Variants in LRRC18 observed in about 807,000 individuals in gnomAD.
LRRC18 encodes leucine rich repeat containing 18.
A neutral mutation model predicts 11.2 loss-of-function variants in LRRC18; 12 were observed. The ratio of observed to expected loss-of-function variants is 1.07; its 90% CI spans 0.69 to 1.74. LRRC18 has a LOEUF of 1.74. Among genes scored for constraint, LRRC18 ranks in the 40% most tolerant of loss-of-function variants. The pLI, the probability that LRRC18 is intolerant of heterozygous loss-of-function variation, is 0.00. For synonymous variants in LRRC18, 155 were observed against 130.6 expected, an observed-to-expected ratio of 1.19 and a Z score of -1.27; for missense variants, 374 against 330.5, an observed-to-expected ratio of 1.13 and a Z score of -1.02.
chr10:48,916,339 A>G (rs887919846), upstream of LRRC18, among the ~76,000 whole-genome samples: 19 of 152,280 alleles, frequency 1.2e-4, 1 homozygote, highest in African/African-American at 4.6e-4. Context: ...AGGGTCAGAG[A>G]CAGTAAGGGA....
At chr10:48,920,463 A>T in the LRRC18 span, among the ~76,000 whole-genome samples, 48 of 152,296 alleles carry the variant, frequency 3.2e-4, no homozygotes, top group African/African-American at 1.1e-3. Flanking sequence ...ACATGTATAC[A>T]TATGTAACTA....
the LRRC18 span, among the ~76,000 whole-genome samples, chr10:48,920,944 C>T: frequency 2.6e-5 from 4 of 151,972 alleles, no homozygotes; most frequent in Non-Finnish European, 5.9e-5. Context: ...CATAAATAAC[C>T]AAAATATGCA....
chr10:48,938,711 C>T, the LRRC18 span, among the ~76,000 whole-genome samples: 1 of 152,248 alleles, frequency 6.6e-6, no homozygotes, highest in African/African-American at 2.4e-5. Flanking sequence ...TTCTGAAGCT[C>T]GTCTGGGGGG....
chr10:48,923,545 T>C, the LRRC18 span, among the ~76,000 whole-genome samples: 1 of 133,516 alleles, frequency 7.5e-6, no homozygotes, highest in Non-Finnish European at 1.6e-5. Context: ...TGTATTTTAT[T>C]TGGCAACCCT....
At chr10:48,924,245 C>T in the LRRC18 span, among the ~76,000 whole-genome samples, 1 of 152,208 alleles carries the variant, frequency 6.6e-6, no homozygotes, top group South Asian at 2.1e-4. Flanking sequence ...AGGGACCCTT[C>T]CTCTCAGTTA....
the LRRC18 span, among the ~76,000 whole-genome samples, chr10:48,922,359 G>A: frequency 6.6e-6 from 1 of 152,112 alleles, no homozygotes; most frequent in Non-Finnish European, 1.5e-5. Flanking sequence ...TAGTGATGCT[G>A]GTAGTTCAGA....
At chr10:48,937,438 G>A in the LRRC18 span, among the ~76,000 whole-genome samples, 172 of 152,292 alleles carry the variant, frequency 1.1e-3, no homozygotes, top group African/African-American at 3.9e-3. Context: ...AACAGTCAGC[G>A]TGTCGGTGTT....
At chr10:48,920,880 A>G in the LRRC18 span, among the ~76,000 whole-genome samples, 1,977 of 152,332 alleles carry the variant, frequency 0.013, 37 homozygotes, top group African/African-American at 0.044. Context: ...ACAATTGGAA[A>G]CTGAATTATG....
chr10:48,915,291 T>C (rs1476182642), upstream of LRRC18, among the ~76,000 whole-genome samples: 1 of 152,212 alleles, frequency 6.6e-6, no homozygotes, highest in African/African-American at 2.4e-5. Flanking sequence ...AGCATTACCC[T>C]ATCATAGCGA....
the LRRC18 span, among the ~76,000 whole-genome samples, chr10:48,930,886 T>C: frequency 6.6e-6 from 1 of 152,182 alleles, no homozygotes; most frequent in Non-Finnish European, 1.5e-5. Flanking sequence ...CTGTGTTCTC[T>C]GGCACACATG....
At chr10:48,924,906 C>T in the LRRC18 span, among the ~76,000 whole-genome samples, 2 of 152,232 alleles carry the variant, frequency 1.3e-5, no homozygotes, top group Non-Finnish European at 2.9e-5. Context: ...ATATTTCTGA[C>T]ATCCCTAAAT....
the LRRC18 span, among the ~76,000 whole-genome samples, chr10:48,925,946 A>G: frequency 1.3e-5 from 2 of 152,194 alleles, no homozygotes; most frequent in Non-Finnish European, 2.9e-5. Context: ...CTATAAGAGA[A>G]TTGAGACTCA....
the LRRC18 span, among the ~76,000 whole-genome samples, chr10:48,936,170 A>G: frequency 1.3e-5 from 2 of 152,170 alleles, no homozygotes; most frequent in Admixed American, 6.5e-5. Flanking sequence ...GTACAAAAAA[A>G]GCAAAATAAA....
upstream of LRRC18, among the ~76,000 whole-genome samples, chr10:48,916,495 A>C (rs894930245): frequency 4.6e-5 from 7 of 152,144 alleles, no homozygotes; most frequent in African/African-American, 1.7e-4. Flanking sequence ...CTTTGACCAA[A>C]CTGTGGTCCT....
At chr10:48,911,633 A>T (rs1838012662) in intron 1 of LRRC18, among the ~76,000 whole-genome samples, 1 of 152,242 alleles carries the variant, frequency 6.6e-6, no homozygotes, top group East Asian at 1.9e-4. Context: ...AAAGCAGGAC[A>T]GAAATGACAG....
exon 1 of LRRC18, chr10:48,913,825 T>G: frequency 6.2e-7 from 1 of 1,614,120 alleles, no homozygotes; most frequent in South Asian, 1.1e-5. Context: ...GGCAGCCCGT[T>G]GCTGGTCAGC....
At chr10:48,925,572 A>G in the LRRC18 span, among the ~76,000 whole-genome samples, 1 of 152,188 alleles carries the variant, frequency 6.6e-6, no homozygotes, top group Non-Finnish European at 1.5e-5. Flanking sequence ...CATTTTCTCC[A>G]CTAACTGCCC....
upstream of LRRC18, among the ~76,000 whole-genome samples, chr10:48,918,593 A>G (rs1838763952): frequency 2.0e-5 from 3 of 152,252 alleles, no homozygotes; most frequent in Admixed American, 2.0e-4. Context: ...ATAAAATTGA[A>G]AGGAAAAATG....
At chr10:48,935,474 G>A in the LRRC18 span, among the ~76,000 whole-genome samples, 1 of 152,236 alleles carries the variant, frequency 6.6e-6, no homozygotes, top group African/African-American at 2.4e-5. Context: ...CGGCCAAGCG[G>A]ATGTGGCTAC....
Sources: gnomAD v4.1 joint callset for allele counts (sites outside exome capture counted in the v4.1 genomes callset) on GRCh38, gnomAD v4.1.1 for gene constraint, MANE v1.5 for transcripts, NCBI Gene and HGNC (gene_info 2026-07-23, HGNC 2026-07-21) for gene names.